Variants in IQGAP1 observed in about 807,000 individuals in gnomAD.
IQGAP1 encodes IQ motif containing GTPase activating protein 1.
A neutral mutation model predicts 215.6 loss-of-function variants in IQGAP1; 66 were observed. That is an observed-to-expected ratio of 0.31 (90% CI 0.25 to 0.38). IQGAP1 has a LOEUF of 0.38. Among genes scored for constraint, IQGAP1 ranks in the 10% least tolerant of loss-of-function variants. IQGAP1 has a pLI of 1.00. For missense variants in IQGAP1, 1,712 were observed against 1,997.1 expected (o/e 0.86, Z 2.72); for synonymous variants, 772 against 728.7 (o/e 1.06, Z -0.96).
At chr15:90,461,406 CTAA>C (rs755619327) in intron 15 of IQGAP1, among the ~76,000 whole-genome samples, 1 of 152,220 alleles carries the variant, frequency 6.6e-6, no homozygotes, top group African/African-American at 2.4e-5. Flanking sequence ...ACCATTTTCA[CTAA>C]TGTCACGTTT....
In IQGAP1 at chr15:90,474,618, C is replaced by T. The variant is rs760183758; in HGVS notation, c.2709C>T (p.Asn903=). Residue 903 remains asparagine, a synonymous_variant, in exon 23 of 38, where the codon AAC becomes AAT. Transcript: ENST00000268182. ...REEVITLIRS[N]QQLENDLNLM... ...AGGTTATCACCCTCATTCGTTCTAACCAGCAGCTGGAGAATGACCTCAATC... is the reference window on the plus strand; with the variant it reads ...AGGTTATCACCCTCATTCGTTCTAATCAGCAGCTGGAGAATGACCTCAATC... 2 of 1,613,948 alleles carry T rather than the reference C, an allele frequency of 1.2e-6. No homozygotes were observed. The highest frequency in any genetic ancestry group is 4.5e-5 in the East Asian group (2 of 44,882).
At chr15:90,474,250 G>A (rs896424731) in intron 22 of IQGAP1, 117 bp downstream of exon 22, 1 of 951,606 alleles carries the variant, frequency 1.1e-6, no homozygotes, top group Non-Finnish European at 1.6e-6. Context: ...GAGAGGGTGT[G>A]ACCTGTGACA....
intron 5 of IQGAP1, among the ~76,000 whole-genome samples, chr15:90,434,174 C>T (rs376644751): frequency 2.6e-5 from 4 of 152,092 alleles, no homozygotes; most frequent in East Asian, 3.9e-4. Flanking sequence ...CGGTGGCTCA[C>T]GCCTGTAATC....
chr15:90,415,281 TATTTC>T (rs1361964049), intron 2 of IQGAP1, among the ~76,000 whole-genome samples: 1 of 152,246 alleles, frequency 6.6e-6, no homozygotes, highest in East Asian at 1.9e-4. Context: ...TTTGCCATTT[TATTTC>T]AAGTGTTTAA....
At chr15:90,485,100 A>G (rs1966108605) in intron 30 of IQGAP1, among the ~76,000 whole-genome samples, 1 of 152,120 alleles carries the variant, frequency 6.6e-6, no homozygotes, top group Admixed American at 6.5e-5. Flanking sequence ...CTGGAGCTCC[A>G]TGTTTCTTCA....
Position 90,429,575 on chromosome 15 carries a change from T to C in IQGAP1, c.313-14T>C. 1 of 1,386,668 alleles carries C rather than the reference T, an allele frequency of 7.2e-7. No individual in the cohort carries two copies. Among genetic ancestry groups the C allele is most frequent in the Non-Finnish European group, 9.8e-7 (1 of 1,024,986 alleles). The allele number at this position is 1,386,668 out of a possible 1,614,324, so 85.9% of individuals were successfully genotyped here. On this transcript the variant is annotated splice_polypyrimidine_tract_variant and intron_variant, in intron 3 of 37. Transcript: ENST00000268182. ...ATACAGCCAATAATACCTAATTTTC[T>C]TTTTTTTTTCTAGGCGACTGGCCTC...
chr15:90,489,466 G>A (rs939462510), intron 33 of IQGAP1, among the ~76,000 whole-genome samples: 1 of 152,078 alleles, frequency 6.6e-6, no homozygotes, highest in Non-Finnish European at 1.5e-5. Flanking sequence ...AGGAAAGTAG[G>A]TCAAGTCATT....
chr15:90,462,936 A>G (rs1348861693), intron 15 of IQGAP1, among the ~76,000 whole-genome samples: 2 of 152,208 alleles, frequency 1.3e-5, no homozygotes, highest in Non-Finnish European at 1.5e-5. Context: ...CACTCTGCTC[A>G]GTCATTTGAG....
chr15:90,459,899 C>T (rs1394778334), intron 15 of IQGAP1, among the ~76,000 whole-genome samples: 1 of 152,172 alleles, frequency 6.6e-6, no homozygotes, highest in Non-Finnish European at 1.5e-5. Context: ...CAGGGTAATA[C>T]TGGCCTCATG....
intron 2 of IQGAP1, among the ~76,000 whole-genome samples, chr15:90,400,248 C>A (rs1314158905): frequency 6.6e-6 from 1 of 152,098 alleles, no homozygotes; most frequent in African/African-American, 2.4e-5. Context: ...GGCTCTTCTT[C>A]ATTTTGTTTA....
chr15:90,481,664 C>A (rs11629883), intron 26 of IQGAP1, among the ~76,000 whole-genome samples: 32,262 of 152,054 alleles, frequency 0.21, 4,595 homozygotes, highest in African/African-American at 0.41. Flanking sequence ...GGTTTATAAT[C>A]ATCTGTTTGT....
intron 2 of IQGAP1, among the ~76,000 whole-genome samples, chr15:90,417,229 A>G (rs1023650161): frequency 2.2e-4 from 34 of 152,076 alleles, no homozygotes; most frequent in Non-Finnish European, 4.1e-4. Flanking sequence ...CCATTTGTCA[A>G]TTTTGGCTTT....
In IQGAP1 at chr15:90,453,825, C is replaced by T. The variant is rs144788831; in HGVS notation, c.1487+533C>T. 3.8e-3 allele frequency among the ~76,000 whole-genome samples: 579 copies of T among 152,244 alleles called. 2 individuals carry two copies. The highest frequency in any genetic ancestry group is 0.013 in the African/African-American group (553 of 41,530). On this transcript the variant is annotated intron_variant, in intron 13 of 37. Coordinates refer to ENST00000268182, the MANE Select transcript of IQGAP1 (RefSeq NM_003870.4). Reference sequence around the variant, plus strand: ...GGAAATTAAATTTCTAGGCTTGTCACGATTCAGTTCAACATTTTTGATGAT... The same window carrying T: ...GGAAATTAAATTTCTAGGCTTGTCATGATTCAGTTCAACATTTTTGATGAT...
intron 26 of IQGAP1, among the ~76,000 whole-genome samples, chr15:90,478,246 C>T (rs1156352685): frequency 6.6e-6 from 1 of 152,184 alleles, no homozygotes; most frequent in Non-Finnish European, 1.5e-5. Flanking sequence ...CTGCCTCGGC[C>T]TCCCAAAGTG....
chr15:90,478,406 A>T (rs930968538), intron 26 of IQGAP1, among the ~76,000 whole-genome samples: 11 of 152,184 alleles, frequency 7.2e-5, no homozygotes, highest in African/African-American at 2.7e-4. Flanking sequence ...TGTGTTAGAG[A>T]TGTGTACAGT....
chr15:90,443,687 C>G (rs918467144), intron 9 of IQGAP1, among the ~76,000 whole-genome samples: 1 of 152,158 alleles, frequency 6.6e-6, no homozygotes, highest in African/African-American at 2.4e-5. Flanking sequence ...CCTACACTGA[C>G]AGTAGCATCA....
chr15:90,482,689 TTC>T, intron 28 of IQGAP1: 2 of 993,292 alleles, frequency 2.0e-6, no homozygotes, highest in Middle Eastern at 5.1e-4. Flanking sequence ...TGCTTTTTTC[TTC>T]TCTCTCCTAG....
chr15:90,426,353 C>A (rs2151013963), intron 3 of IQGAP1, 87 bp downstream of exon 3: 1 of 1,428,312 alleles, frequency 7.0e-7, no homozygotes, highest in Non-Finnish European at 9.4e-7. Context: ...ATTGAGAAGT[C>A]TGTGTAAGGT....
At chr15:90,467,338 T>TG in intron 17 of IQGAP1, 112 bp from the exon 18 acceptor site, 1 of 1,046,402 alleles carries the variant, frequency 9.6e-7, no homozygotes, top group Non-Finnish European at 1.4e-6. Flanking sequence ...GAGCAGCTTT[T>TG]GGAGTGGTCT....
Sources: allele counts gnomAD v4.1 joint callset (sites outside exome capture counted in the v4.1 genomes callset), GRCh38; gene constraint gnomAD v4.1.1; transcripts MANE v1.5; gene names NCBI Gene and HGNC (gene_info 2026-07-23, HGNC 2026-07-21).